DLG1: variants seen among roughly 807,000 people sequenced by gnomAD.
The protein encoded by DLG1 is disks large homolog 1.
Under a neutral mutation model 123.4 loss-of-function variants are expected in DLG1, and 42 were observed. The observed-to-expected ratio is 0.34, with a 90% CI of 0.27 to 0.44. The LOEUF is 0.44. DLG1 is among the 20% of genes least tolerant of loss of function. DLG1 has a pLI of 1.00. For synonymous variants in DLG1, 317 were observed against 356.2 expected, an observed-to-expected ratio of 0.89 and a Z score of 1.24; for missense variants, 942 against 1,082.6, an observed-to-expected ratio of 0.87 and a Z score of 1.82.
rs11711998 is a variant in DLG1, at chr3:197,247,670, C to T, written c.318+35009G>A. Among the ~76,000 whole-genome samples, 438 of 152,260 alleles carry T rather than the reference C, an allele frequency of 2.9e-3. 2 individuals carry two copies. The highest frequency in any genetic ancestry group is 6.0e-3 in the South Asian group (29 of 4,814). ...TCCAAATGAAACAACAATATTTTAT[C>T]ATCTGTTGCTTTCTCTTATGTTTAG... On this transcript the variant is annotated intron_variant, in intron 4 of 24. Coordinates refer to ENST00000667157, the MANE Select transcript of DLG1 (RefSeq NM_001366207.1).
At chr3:197,158,393 C>G (rs1167811408) in intron 5 of DLG1, among the ~76,000 whole-genome samples, 4 of 149,368 alleles carry the variant, frequency 2.7e-5, no homozygotes, top group Non-Finnish European at 5.9e-5. Context: ...GAGGCCGAGG[C>G]AGGCGGACTA....
chr3:197,176,095 T>A (rs1431124540), intron 5 of DLG1, among the ~76,000 whole-genome samples: 1 of 152,172 alleles, frequency 6.6e-6, no homozygotes, highest in Non-Finnish European at 1.5e-5. Context: ...AAAACACATT[T>A]CCTAACTATA....
At chr3:197,290,351 T>C (rs1774216861) in intron 3 of DLG1, among the ~76,000 whole-genome samples, 2 of 152,066 alleles carry the variant, frequency 1.3e-5, no homozygotes, top group African/African-American at 2.4e-5. Flanking sequence ...TGGGTGGAAA[T>C]TTTGCTAAGG....
At chr3:197,183,597 G>A (rs879714444) in intron 5 of DLG1, 25 of 1,550,264 alleles carry the variant, frequency 1.6e-5, no homozygotes, top group East Asian at 2.4e-5. Flanking sequence ...GGTGGCTACC[G>A]AGATGCAGTC....
intron 11 of DLG1, among the ~76,000 whole-genome samples, chr3:197,122,121 GATATATA>G (rs759440862): frequency 4.6e-5 from 7 of 151,988 alleles, no homozygotes; most frequent in Non-Finnish European, 8.8e-5. Flanking sequence ...CAAAATCAAT[GATATATA>G]ATATATATTA....
intron 5 of DLG1, among the ~76,000 whole-genome samples, chr3:197,158,608 T>C (rs1271146356): frequency 1.9e-5 from 2 of 108,062 alleles, no homozygotes; most frequent in African/African-American, 3.5e-5. Flanking sequence ...CACTCCAGCC[T>C]GGGTAACAAG....
At chr3:197,281,076 T>C (rs970284121) in intron 4 of DLG1, among the ~76,000 whole-genome samples, 2 of 150,110 alleles carry the variant, frequency 1.3e-5, no homozygotes, top group African/African-American at 4.9e-5. Flanking sequence ...TCTCGCTTGT[T>C]GCCCAGACTG....
intron 4 of DLG1, among the ~76,000 whole-genome samples, chr3:197,218,704 C>A (rs1735310280): frequency 6.6e-6 from 1 of 152,134 alleles, no homozygotes. Context: ...TTGTTTGGAA[C>A]AATTTAAAAT....
chr3:197,126,709 T>G (rs1779319676), intron 11 of DLG1, among the ~76,000 whole-genome samples: 1 of 152,188 alleles, frequency 6.6e-6, no homozygotes. Flanking sequence ...ACAAAAGAAG[T>G]ATAAGACACC....
chr3:197,249,168 TA>T (rs1753188832), intron 4 of DLG1, among the ~76,000 whole-genome samples: 1 of 151,916 alleles, frequency 6.6e-6, no homozygotes, highest in African/African-American at 2.4e-5. Flanking sequence ...ACCTTTTAGC[TA>T]GGCTAAAAAA....
intron 4 of DLG1, among the ~76,000 whole-genome samples, chr3:197,201,852 C>T (rs954365182): frequency 1.3e-5 from 2 of 152,030 alleles, no homozygotes; most frequent in African/African-American, 4.8e-5. Context: ...AAAAAGAGCC[C>T]AAATAGCTTA....
intron 23 of DLG1, among the ~76,000 whole-genome samples, chr3:197,055,494 G>A (rs571397365): frequency 6.6e-5 from 10 of 152,234 alleles, no homozygotes; most frequent in South Asian, 2.1e-4. Context: ...CTTTCCCAGG[G>A]TTTGCTGTTT....
intron 4 of DLG1, among the ~76,000 whole-genome samples, chr3:197,197,107 AC>A (rs1313750146): frequency 6.6e-6 from 1 of 152,084 alleles, no homozygotes; most frequent in Non-Finnish European, 1.5e-5. Flanking sequence ...TTATGGAAAA[AC>A]TCAAGGCATT....
intron 13 of DLG1, among the ~76,000 whole-genome samples, chr3:197,110,853 T>G (rs78440206): frequency 6.6e-6 from 1 of 152,146 alleles, no homozygotes; most frequent in Non-Finnish European, 1.5e-5. Context: ...CCTTTAACAC[T>G]CAGATAAGCA....
chr3:197,079,928 A>G (rs1323727585), intron 17 of DLG1, among the ~76,000 whole-genome samples: 3 of 152,070 alleles, frequency 2.0e-5, no homozygotes, highest in Admixed American at 6.6e-5. Flanking sequence ...TACAGAGTAA[A>G]TTTATTTGCT....
chr3:197,188,235 G>C (rs1419191928), intron 5 of DLG1, among the ~76,000 whole-genome samples: 1 of 152,032 alleles, frequency 6.6e-6, no homozygotes, highest in African/African-American at 2.4e-5. Flanking sequence ...CCCTTCCACT[G>C]TATTTATTTA....
intron 12 of DLG1, among the ~76,000 whole-genome samples, chr3:197,116,328 A>G (rs1438626671): frequency 7.2e-6 from 1 of 139,380 alleles, no homozygotes; most frequent in Non-Finnish European, 1.6e-5. Context: ...ACCAAAACAG[A>G]AAAAAAACGT....
At chr3:197,241,621 C>G (rs1171713718) in intron 4 of DLG1, among the ~76,000 whole-genome samples, 1 of 152,022 alleles carries the variant, frequency 6.6e-6, no homozygotes, top group Non-Finnish European at 1.5e-5. Context: ...GTTACAACAA[C>G]CTGTTAAGTG....
At chr3:197,272,867 A>G (rs1764505825) in intron 4 of DLG1, among the ~76,000 whole-genome samples, 1 of 152,196 alleles carries the variant, frequency 6.6e-6, no homozygotes, top group East Asian at 1.9e-4. Context: ...TACAAGGAAG[A>G]CTTCTGGGGT....
Sources: allele counts gnomAD v4.1 joint callset (sites outside exome capture counted in the v4.1 genomes callset), GRCh38; gene constraint gnomAD v4.1.1; transcripts MANE v1.5; gene names NCBI Gene and HGNC (gene_info 2026-07-23, HGNC 2026-07-21).